Variants in TMEM38A observed in about 807,000 individuals in gnomAD.
TMEM38A encodes transmembrane protein 38A.
Under a neutral mutation model 28.6 loss-of-function variants are expected in TMEM38A, and 17 were observed. That is an observed-to-expected ratio of 0.60 (90% CI 0.41 to 0.89). TMEM38A has a LOEUF of 0.89. TMEM38A is among the 40% of genes least tolerant of loss of function. TMEM38A has a pLI of 0.00. For missense variants in TMEM38A, 328 were observed against 393.1 expected (o/e 0.83, Z 1.40); for synonymous variants, 169 against 166.1 (o/e 1.02, Z -0.14).
intron 1 of TMEM38A, among the ~76,000 whole-genome samples, chr19:16,663,365 A>G (rs1251884466): frequency 1.3e-5 from 2 of 151,986 alleles, no homozygotes; most frequent in African/African-American, 2.4e-5. Context: ...GAGGTCTCCA[A>G]GCTGCCTGGG....
At chr19:16,677,131 A>G (rs1409231341) in intron 1 of TMEM38A, among the ~76,000 whole-genome samples, 1 of 151,452 alleles carries the variant, frequency 6.6e-6, no homozygotes, top group Non-Finnish European at 1.5e-5. Context: ...GGGGTTTTCA[A>G]GCCCCCTTCT....
chr19:16,680,317 G>T, intron 2 of TMEM38A, 80 bp from the exon 3 acceptor site: 2 of 1,552,096 alleles, frequency 1.3e-6, no homozygotes, highest in South Asian at 2.3e-5. Flanking sequence ...GGGGAGGGTG[G>T]TCTGATATAA....
chr19:16,667,861 GAAAAAA>G (rs112685452), intron 1 of TMEM38A, among the ~76,000 whole-genome samples: 1 of 127,424 alleles, frequency 7.8e-6, no homozygotes, highest in Non-Finnish European at 1.7e-5. Context: ...CTCCGTCTCA[GAAAAAA>G]AAAAAAAAAA....
chr19:16,675,425 G>A (rs1162332290), intron 1 of TMEM38A, among the ~76,000 whole-genome samples: 1 of 151,760 alleles, frequency 6.6e-6, no homozygotes, highest in African/African-American at 2.4e-5. Flanking sequence ...TTAGAGATGA[G>A]ATTTCACTAT....
intron 1 of TMEM38A, among the ~76,000 whole-genome samples, chr19:16,670,135 G>T (rs2086720588): frequency 6.6e-6 from 1 of 151,302 alleles, no homozygotes; most frequent in Admixed American, 6.6e-5. Flanking sequence ...ACGCCCAGCT[G>T]ATTTTTGTAT....
intron 4 of TMEM38A, 150 bp from the exon 5 acceptor site, chr19:16,686,138 G>A: frequency 1.7e-6 from 1 of 585,938 alleles, no homozygotes; most frequent in Non-Finnish European, 3.0e-6. Context: ...ACTCCAGCCT[G>A]GGCAACAGAG....
chr19:16,685,371 A>G (rs2547111), intron 4 of TMEM38A, among the ~76,000 whole-genome samples: 120,544 of 152,080 alleles, frequency 0.79, 50,129 homozygotes, highest in East Asian at 0.93. Flanking sequence ...GGGTGACAGA[A>G]TGAGACTCTG....
intron 4 of TMEM38A, among the ~76,000 whole-genome samples, chr19:16,683,918 C>T (rs896074624): frequency 6.0e-5 from 9 of 150,852 alleles, no homozygotes; most frequent in Non-Finnish European, 1.0e-4. Flanking sequence ...TGCAGTGAGC[C>T]GAGATCACGC....
chr19:16,662,494 C>T (rs2086686693), intron 1 of TMEM38A, among the ~76,000 whole-genome samples: 1 of 138,050 alleles, frequency 7.2e-6, no homozygotes, highest in Non-Finnish European at 1.5e-5. Context: ...CGCTCTGTCG[C>T]CCAGGCTGGA....
chr19:16,669,222 T>C (rs1222280691), intron 1 of TMEM38A, among the ~76,000 whole-genome samples: 1 of 151,432 alleles, frequency 6.6e-6, no homozygotes, highest in Non-Finnish European at 1.5e-5. Context: ...TTTTTTTTTT[T>C]TTTTTGAGAC....
chr19:16,664,365 C>T (rs527594849), intron 1 of TMEM38A, among the ~76,000 whole-genome samples: 1 of 152,122 alleles, frequency 6.6e-6, no homozygotes, highest in East Asian at 1.9e-4. Flanking sequence ...TGCAGTGAGC[C>T]GAAATCTCGC....
chr19:16,672,927 T>C (rs537844787), intron 1 of TMEM38A, among the ~76,000 whole-genome samples: 181 of 152,272 alleles, frequency 1.2e-3, no homozygotes, highest in Middle Eastern at 3.4e-3. Flanking sequence ...GCCACTGTCA[T>C]CTAGTGGGTG....
intron 1 of TMEM38A, among the ~76,000 whole-genome samples, chr19:16,669,896 C>T (rs2086719093): frequency 6.6e-6 from 1 of 152,092 alleles, no homozygotes; most frequent in Non-Finnish European, 1.5e-5. Flanking sequence ...ACTTAGGGAC[C>T]CAAAGCTTTT....
chr19:16,664,252 C>T (rs1236690429), intron 1 of TMEM38A, among the ~76,000 whole-genome samples: 1 of 130,710 alleles, frequency 7.7e-6, no homozygotes, highest in Non-Finnish European at 1.5e-5. Context: ...CCCGTCTCCA[C>T]TACAAATGCA....
chr19:16,667,947 G>A (rs904291800), intron 1 of TMEM38A, among the ~76,000 whole-genome samples: 12 of 151,322 alleles, frequency 7.9e-5, no homozygotes, highest in African/African-American at 2.2e-4. Context: ...GGTGGCTCAC[G>A]CCTGTAATCC....
In TMEM38A at chr19:16,679,876, C is replaced by T. The variant is rs1224668042; in HGVS notation, c.125-108C>T. 3.3e-6 allele frequency: 4 copies of T among 1,196,818 alleles called. No individual in the cohort carries two copies. In the East Asian group the frequency reaches 1.0e-4, roughly 31 times the overall value. The allele number at this position is 1,196,818 out of a possible 1,614,324, so 74.1% of individuals were successfully genotyped here. A position where few individuals can be genotyped will look rare whatever the true frequency, so the allele number is the denominator to read the frequency against. On this transcript the variant is annotated intron_variant, in intron 1 of 5. Transcript: ENST00000187762. ...CCTCCTCTGAAACTTACAAACTGCA[C>T]AGTGTTGGGTGGGCGCTCTGGATTA... is the stretch of plus-strand genomic sequence containing the variant.
intron 1 of TMEM38A, among the ~76,000 whole-genome samples, chr19:16,667,264 G>A (rs2122576860): frequency 6.8e-6 from 1 of 145,986 alleles, no homozygotes; most frequent in East Asian, 2.0e-4. Flanking sequence ...AGCCAAGAGT[G>A]AAACTCCATT....
intron 4 of TMEM38A, 136 bp from the exon 5 acceptor site, chr19:16,686,152 G>T (rs1451457755): frequency 4.8e-6 from 3 of 619,350 alleles, no homozygotes; most frequent in Non-Finnish European, 8.4e-6. Flanking sequence ...AACAGAGTGA[G>T]ATTCCATCTC....
intron 1 of TMEM38A, among the ~76,000 whole-genome samples, chr19:16,668,109 C>T (rs937377911): frequency 4.8e-4 from 73 of 151,490 alleles, no homozygotes; most frequent in African/African-American, 1.7e-3. Context: ...CTTGGTAGGT[C>T]GAGGTGGGAG....
Sources: allele counts gnomAD v4.1 joint callset (sites outside exome capture counted in the v4.1 genomes callset), GRCh38; gene constraint gnomAD v4.1.1; transcripts MANE v1.5; gene names NCBI Gene and HGNC (gene_info 2026-07-23, HGNC 2026-07-21).